Variants in CLEC2D observed in about 807,000 individuals in gnomAD.
The protein encoded by CLEC2D is C-type lectin domain family 2 member D, also known as C-type lectin related f.
Under a neutral mutation model 20.0 loss-of-function variants are expected in CLEC2D, and 16 were observed. That is an observed-to-expected ratio of 0.80 (90% CI 0.54 to 1.22). The LOEUF is 1.22. CLEC2D is among the 50% of genes most tolerant of loss of function. CLEC2D has a pLI of 0.00. For synonymous variants in CLEC2D, 77 were observed against 71.1 expected, an observed-to-expected ratio of 1.08 and a Z score of -0.42; for missense variants, 207 against 221.5, an observed-to-expected ratio of 0.93 and a Z score of 0.42.
chr12:9,680,782 A>T, intron 1 of CLEC2D, 141 bp from the exon 2 acceptor site: 1 of 509,310 alleles, frequency 2.0e-6, no homozygotes, highest in Non-Finnish European at 3.5e-6. Context: ...TAGAATAGTA[A>T]GTTCATAAGA....
chr12:9,688,116 G>A (rs1865789439), intron 3 of CLEC2D, 30 bp downstream of exon 3: 1 of 1,508,436 alleles, frequency 6.6e-7, no homozygotes, highest in Non-Finnish European at 8.9e-7. Context: ...CAGAATCAAA[G>A]ATTCAGCCCT....
chr12:9,689,299 T>TA (rs1865816532), intron 3 of CLEC2D, among the ~76,000 whole-genome samples: 1 of 151,970 alleles, frequency 6.6e-6, no homozygotes, highest in Admixed American at 6.6e-5. Flanking sequence ...CAACAGAGAA[T>TA]AAAAATAGTT....
In CLEC2D at chr12:9,695,431, C is replaced by G; in HGVS notation, c.*557C>G. 6.7e-7 allele frequency: 1 copy of G among 1,485,496 alleles called. No homozygotes were observed. Among genetic ancestry groups the G allele is most frequent in the Non-Finnish European group, 9.3e-7 (1 of 1,080,328 alleles). The allele number at this position is 1,485,496 out of a possible 1,614,324, so 92.0% of individuals were successfully genotyped here. A position where few individuals can be genotyped will look rare whatever the true frequency, so the allele number is the denominator to read the frequency against. ...ACATGAGCCCCCTGAGGCCCCAGAACTATCTTTTCAGTTGTGAACTAAAGG... is the reference window on the plus strand; with the variant it reads ...ACATGAGCCCCCTGAGGCCCCAGAAGTATCTTTTCAGTTGTGAACTAAAGG... On this transcript the variant is annotated 3_prime_UTR_variant, in exon 5 of 5. Transcript: ENST00000290855.
chr12:9,695,874 A>T lies in CLEC2D; in HGVS notation c.*1000A>T, dbSNP rs11052490. 793 of 895,494 alleles carry T rather than the reference A, an allele frequency of 8.9e-4. 2 individuals are homozygous for T. Among genetic ancestry groups the T allele is most frequent in the Non-Finnish European group, 1.1e-3 (605 of 571,492 alleles). The allele number at this position is 895,494 out of a possible 1,614,324, so 55.5% of individuals were successfully genotyped here. A position where few individuals can be genotyped will look rare whatever the true frequency, so the allele number is the denominator to read the frequency against. On this transcript the variant is annotated 3_prime_UTR_variant, in exon 5 of 5. Coordinates refer to ENST00000290855, the MANE Select transcript of CLEC2D (RefSeq NM_013269.6). ...CTGCTGCTGATGATGATGATGATGAAGATGATGATGATGATGATGACGAGG... is the reference window on the plus strand; with the variant it reads ...CTGCTGCTGATGATGATGATGATGATGATGATGATGATGATGATGACGAGG...
At chr12:9,687,316 A>G (rs1208514352) in intron 2 of CLEC2D, among the ~76,000 whole-genome samples, 1 of 152,206 alleles carries the variant, frequency 6.6e-6, no homozygotes, top group African/African-American at 2.4e-5. Context: ...TCACATGAGA[A>G]GTTCCCAATA....
Position 9,697,365 on chromosome 12 carries a change from TA to T in CLEC2D, c.*2493del, listed in dbSNP as rs1866021093. Reference sequence around the variant, plus strand: ...AGTTAACTAGCCCAATCTATTCCTTTAATTCGGCCCATCCCTTCATTTCCCA... The same window carrying T: ...AGTTAACTAGCCCAATCTATTCCTTTATTCGGCCCATCCCTTCATTTCCCA... On this transcript the variant is annotated 3_prime_UTR_variant, in exon 5 of 5. Coordinates refer to ENST00000290855, the MANE Select transcript of CLEC2D (RefSeq NM_013269.6). 6.6e-6 allele frequency: 1 copy of T among 152,226 alleles called. No homozygotes were observed. Among genetic ancestry groups the T allele is most frequent in the Non-Finnish European group, 1.5e-5 (1 of 68,040 alleles). 9.4% of individuals were successfully genotyped at this position (152,226 alleles called of 1,614,324 possible). A position where few individuals can be genotyped will look rare whatever the true frequency, so the allele number is the denominator to read the frequency against.
At chr12:9,677,168 CTTCTATTT>C (rs1162517837) in intron 1 of CLEC2D, among the ~76,000 whole-genome samples, 1 of 151,424 alleles carries the variant, frequency 6.6e-6, no homozygotes, top group Admixed American at 6.6e-5. Flanking sequence ...CTGATTTGCT[CTTCTATTT>C]CTAGTTTCCT....
intron 3 of CLEC2D, among the ~76,000 whole-genome samples, chr12:9,692,297 A>C (rs905420077): frequency 6.6e-6 from 1 of 151,822 alleles, no homozygotes; most frequent in African/African-American, 2.4e-5. Flanking sequence ...CATCACGCCC[A>C]GCTAATTTTT....
At chr12:9,688,575 T>G (rs1434988591) in intron 3 of CLEC2D, among the ~76,000 whole-genome samples, 1 of 152,072 alleles carries the variant, frequency 6.6e-6, no homozygotes, top group Admixed American at 6.6e-5. Context: ...AAAAATTAGC[T>G]GGGCATGGTG....
chr12:9,688,525 C>T (rs10844449), intron 3 of CLEC2D, among the ~76,000 whole-genome samples: 9,036 of 152,224 alleles, frequency 0.059, 315 homozygotes, highest in Non-Finnish European at 0.084. Context: ...TGAGATCAGC[C>T]TGGCCAACAT....
chr12:9,692,954 T>C (rs377519152), intron 4 of CLEC2D, 23 bp downstream of exon 4: 12 of 1,597,110 alleles, frequency 7.5e-6, no homozygotes, highest in African/African-American at 1.3e-5. Flanking sequence ...AATCTGGCAG[T>C]AATATTTGTA....
Position 9,688,097 on chromosome 12 carries a change from A to T in CLEC2D, c.357+11A>T, listed in dbSNP as rs1359981039. 6.5e-7 allele frequency: 1 copy of T among 1,550,120 alleles called. No individual in the cohort carries two copies. The highest frequency in any genetic ancestry group is 8.7e-7 in the Non-Finnish European group (1 of 1,146,178). Reference sequence around the variant, plus strand: ...AGCTTCCAGGAACTGGTAAGAAAATAGTTCTGGCCAGAATCAAAGATTCAG... The same window carrying T: ...AGCTTCCAGGAACTGGTAAGAAAATTGTTCTGGCCAGAATCAAAGATTCAG... On this transcript the variant is annotated intron_variant, in intron 3 of 4. Coordinates refer to ENST00000290855, the MANE Select transcript of CLEC2D (RefSeq NM_013269.6).
chr12:9,695,533 G>A lies in CLEC2D; in HGVS notation c.*659G>A, dbSNP rs1865963171. On this transcript the variant is annotated 3_prime_UTR_variant, in exon 5 of 5. Coordinates refer to ENST00000290855, the MANE Select transcript of CLEC2D (RefSeq NM_013269.6). ...ATCTTTAAGAACGGTCAGCTCAGGGGCTGGTGCAAAGGATGAACTGCACAT... is the reference window on the plus strand; with the variant it reads ...ATCTTTAAGAACGGTCAGCTCAGGGACTGGTGCAAAGGATGAACTGCACAT... The A allele has an allele frequency of 1.1e-5, 14 of 1,266,486 alleles. No homozygotes were observed. The highest frequency in any genetic ancestry group is 1.0e-5 in the Non-Finnish European group (9 of 879,390). The allele number at this position is 1,266,486 out of a possible 1,614,324, so 78.5% of individuals were successfully genotyped here. A position where few individuals can be genotyped will look rare whatever the true frequency, so the allele number is the denominator to read the frequency against.
chr12:9,677,703 CTTTCTT>C (rs1335214838), intron 1 of CLEC2D, among the ~76,000 whole-genome samples: 39 of 85,836 alleles, frequency 4.5e-4, no homozygotes, highest in Non-Finnish European at 8.0e-4. Context: ...GCATTTCTTT[CTTTCTT>C]TTTTTTTTTT....
At chr12:9,683,353 T>TG (rs1865684921) in intron 2 of CLEC2D, among the ~76,000 whole-genome samples, 1 of 111,194 alleles carries the variant, frequency 9.0e-6, no homozygotes, top group Non-Finnish European at 2.0e-5. Flanking sequence ...TTTTTTTTTT[T>TG]TGTGCAGAAG....
chr12:9,674,519 A>C (rs1025907154), intron 1 of CLEC2D, among the ~76,000 whole-genome samples: 4 of 152,258 alleles, frequency 2.6e-5, no homozygotes, highest in Admixed American at 6.5e-5. Context: ...GCTTCAGACC[A>C]GAGCTGTTTC....
rs928098521 is a variant in CLEC2D, at chr12:9,696,588, A to C, written c.*1714A>C. The C allele has an allele frequency of 2.5e-5, 5 of 202,052 alleles. No individual in the cohort carries two copies. The East Asian group carries it at 4.4e-4, about 18-fold the overall frequency. The allele number at this position is 202,052 out of a possible 1,614,324, so 12.5% of individuals were successfully genotyped here. ...AGGTATGGGGAAAACTGCCCCCATA[A>C]AGCAATTGTCTCCACCTGGCCCTGC... On this transcript the variant is annotated 3_prime_UTR_variant, in exon 5 of 5. Transcript: ENST00000290855.
rs1350374430 is a variant in CLEC2D at position 9,670,082 on chromosome 12, A to T, written c.61+287A>T. Among the ~76,000 whole-genome samples the T allele has an allele frequency of 6.6e-5, 10 of 152,354 alleles. No homozygotes were observed. In the South Asian group the frequency reaches 2.1e-3, roughly 32 times the overall value. On this transcript the variant is annotated intron_variant, in intron 1 of 4. Coordinates refer to ENST00000290855, the MANE Select transcript of CLEC2D (RefSeq NM_013269.6). Reference sequence around the variant, plus strand: ...AGTTAATTTCACTAAAAAAAAATCTATACAAACTCTAAAGTGTTACTCAGA... The same window carrying T: ...AGTTAATTTCACTAAAAAAAAATCTTTACAAACTCTAAAGTGTTACTCAGA...
intron 1 of CLEC2D, among the ~76,000 whole-genome samples, chr12:9,679,739 G>A (rs1413967256): frequency 1.3e-5 from 2 of 152,106 alleles, no homozygotes; most frequent in East Asian, 3.8e-4. Flanking sequence ...TCAATGTAAA[G>A]CTTGCTGATC....
Sources: allele counts gnomAD v4.1 joint callset (sites outside exome capture counted in the v4.1 genomes callset), GRCh38; gene constraint gnomAD v4.1.1; transcripts MANE v1.5; gene names NCBI Gene and HGNC (gene_info 2026-07-23, HGNC 2026-07-21).